Variants in TENM4 observed in about 807,000 individuals in gnomAD.
TENM4 encodes teneurin transmembrane protein 4, also known as teneurin-4.
In TENM4, 82 loss-of-function variants were observed where a neutral mutation model predicts 243.3. The observed-to-expected ratio is 0.34, with a 90% CI of 0.28 to 0.40. The LOEUF is 0.40. Ranked by LOEUF, TENM4 falls within the 10% of genes least tolerant of loss-of-function variation. The probability of loss-of-function intolerance (pLI) is 1.00; values close to 1 mark genes in which losing one functional copy is unlikely to be tolerated. For missense variants in TENM4, 3,138 were observed against 3,673.3 expected, an observed-to-expected ratio of 0.85 and a Z score of 3.77; for synonymous variants, 1,412 against 1,456.3, an observed-to-expected ratio of 0.97 and a Z score of 0.69.
At chr11:79,323,993 T>C (rs1454567337) in intron 1 of TENM4, among the ~76,000 whole-genome samples, 4 of 152,174 alleles carry the variant, frequency 2.6e-5, no homozygotes, top group African/African-American at 9.7e-5. Context: ...GGGGATTGGT[T>C]GCAGGAACAC....
chr11:79,227,291 G>C (rs1002371443), intron 2 of TENM4, among the ~76,000 whole-genome samples: 5 of 152,190 alleles, frequency 3.3e-5, no homozygotes, highest in African/African-American at 1.2e-4. Context: ...ATTGGTTGCT[G>C]TCATTGGTGA....
At chr11:79,082,912 C>T (rs1035547941) in intron 4 of TENM4, among the ~76,000 whole-genome samples, 1 of 152,108 alleles carries the variant, frequency 6.6e-6, no homozygotes, top group Non-Finnish European at 1.5e-5. Context: ...ATATTAAGGC[C>T]CTCTTTCCAG....
At chr11:78,972,644 TC>T (rs1216220142) in intron 6 of TENM4, among the ~76,000 whole-genome samples, 1 of 152,148 alleles carries the variant, frequency 6.6e-6, no homozygotes, top group Non-Finnish European at 1.5e-5. Flanking sequence ...ATGAGGACTT[TC>T]ACTGAGTTTT....
intron 4 of TENM4, among the ~76,000 whole-genome samples, chr11:79,129,967 C>A (rs1012102232): frequency 2.0e-5 from 3 of 152,148 alleles, no homozygotes; most frequent in Admixed American, 6.6e-5. Flanking sequence ...AAGCTAAGAA[C>A]CCTCACAGAG....
chr11:78,715,370 T>C (rs972293687), intron 25 of TENM4, among the ~76,000 whole-genome samples: 1 of 152,192 alleles, frequency 6.6e-6, no homozygotes, highest in Non-Finnish European at 1.5e-5. Flanking sequence ...AAACTGGTGC[T>C]ATTTACCTCG....
At chr11:79,017,372 G>T (rs192469009) in intron 6 of TENM4, among the ~76,000 whole-genome samples, 12 of 152,268 alleles carry the variant, frequency 7.9e-5, no homozygotes, top group Non-Finnish European at 1.6e-4. Flanking sequence ...TTCCAAAGGT[G>T]GTGAGAAGAG....
At chr11:78,697,386 C>T (rs746395967) in intron 28 of TENM4, among the ~76,000 whole-genome samples, 3 of 152,164 alleles carry the variant, frequency 2.0e-5, no homozygotes, top group East Asian at 1.9e-4. Flanking sequence ...AGGAAACGCA[C>T]GAATTTACCT....
At chr11:79,378,788 T>C (rs184297474) in intron 1 of TENM4, among the ~76,000 whole-genome samples, 83 of 148,592 alleles carry the variant, frequency 5.6e-4, no homozygotes, top group Admixed American at 5.1e-3. Flanking sequence ...GAGGCTGAGG[T>C]GGAAGGACCG....
intron 1 of TENM4, among the ~76,000 whole-genome samples, chr11:79,313,039 G>C (rs1158404644): frequency 6.6e-6 from 1 of 152,158 alleles, no homozygotes; most frequent in Admixed American, 6.5e-5. Context: ...GAAATAATCA[G>C]CTTGTCTGTC....
intron 9 of TENM4, among the ~76,000 whole-genome samples, chr11:78,881,490 C>T (rs1198236343): frequency 6.6e-6 from 1 of 152,154 alleles, no homozygotes; most frequent in East Asian, 1.9e-4. Context: ...AGCTGGCTAA[C>T]TTCTCCAGGT....
intron 9 of TENM4, among the ~76,000 whole-genome samples, chr11:78,867,796 G>C (rs1396701101): frequency 6.6e-6 from 1 of 152,176 alleles, no homozygotes; most frequent in Non-Finnish European, 1.5e-5. Flanking sequence ...GATTTACTCA[G>C]AGAAGTAAAG....
chr11:79,325,181 T>G (rs970015862), intron 1 of TENM4, among the ~76,000 whole-genome samples: 2 of 152,208 alleles, frequency 1.3e-5, no homozygotes, highest in African/African-American at 4.8e-5. Context: ...TGCCCATTCC[T>G]GAGAAGTGAG....
intron 1 of TENM4, among the ~76,000 whole-genome samples, chr11:79,411,113 G>T (rs1858691384): frequency 6.6e-6 from 1 of 152,178 alleles, no homozygotes. Flanking sequence ...GATAGGAAAA[G>T]TGAGGCTCAG....
At chr11:79,124,645 ATGTGTGTGTG>A (rs35642884) in intron 4 of TENM4, among the ~76,000 whole-genome samples, 22 of 133,784 alleles carry the variant, frequency 1.6e-4, no homozygotes, top group Non-Finnish European at 2.8e-4. Context: ...ATATATATAT[ATGTGTGTGTG>A]TGTGTGTGTG....
intron 2 of TENM4, among the ~76,000 whole-genome samples, chr11:79,294,109 G>T (rs1856405488): frequency 6.6e-6 from 1 of 152,148 alleles, no homozygotes; most frequent in African/African-American, 2.4e-5. Flanking sequence ...CATGGCTAAT[G>T]AAATAATCAA....
intron 3 of TENM4, among the ~76,000 whole-genome samples, chr11:79,155,009 C>T (rs533012971): frequency 3.3e-4 from 50 of 152,260 alleles, no homozygotes; most frequent in Admixed American, 2.9e-3. Context: ...TGGGTCAGCT[C>T]GACCCTCCCT....
At chr11:79,050,331 C>A (rs996853617) in intron 6 of TENM4, among the ~76,000 whole-genome samples, 1 of 152,146 alleles carries the variant, frequency 6.6e-6, no homozygotes, top group Non-Finnish European at 1.5e-5. Context: ...TTATTGAAGG[C>A]TGTGGATGCA....
intron 4 of TENM4, among the ~76,000 whole-genome samples, chr11:79,081,861 A>G (rs551719430): frequency 1.1e-4 from 17 of 152,186 alleles, no homozygotes; most frequent in Non-Finnish European, 2.1e-4. Context: ...TCAACTCGTG[A>G]TGACTGAAGC....
intron 6 of TENM4, among the ~76,000 whole-genome samples, chr11:78,951,903 C>T (rs1012949284): frequency 6.6e-6 from 1 of 152,146 alleles, no homozygotes; most frequent in Non-Finnish European, 1.5e-5. Flanking sequence ...TCCAGATAAG[C>T]CTGAATGTGC....
Sources: gnomAD v4.1 joint callset for allele counts (sites outside exome capture counted in the v4.1 genomes callset) on GRCh38, gnomAD v4.1.1 for gene constraint, MANE v1.5 for transcripts, NCBI Gene and HGNC (gene_info 2026-07-23, HGNC 2026-07-21) for gene names.